EYA1: variants seen among roughly 807,000 people sequenced by gnomAD.
The protein encoded by EYA1 is EYA transcriptional coactivator and phosphatase 1.
In EYA1, 16 loss-of-function variants were observed where a neutral mutation model predicts 82.0. That is an observed-to-expected ratio of 0.20 (90% confidence interval 0.13 to 0.30). EYA1 has a LOEUF of 0.30. EYA1 is among the 10% of genes least tolerant of loss of function. The probability of loss-of-function intolerance (pLI) is 1.00; values close to 1 mark genes in which losing one functional copy is unlikely to be tolerated. For synonymous variants in EYA1, 261 were observed against 264.4 expected, an observed-to-expected ratio of 0.99 and a Z score of 0.12; for missense variants, 633 against 730.7, an observed-to-expected ratio of 0.87 and a Z score of 1.54.
intron 16 of EYA1, among the ~76,000 whole-genome samples, chr8:71,214,241 C>T (rs760072514): frequency 4.6e-5 from 7 of 152,248 alleles, no homozygotes; most frequent in Admixed American, 6.6e-5. Context: ...TGATATACAA[C>T]GCCATTCATG....
chr8:71,224,686 C>T (rs549124448), intron 12 of EYA1, among the ~76,000 whole-genome samples: 5 of 152,322 alleles, frequency 3.3e-5, no homozygotes, highest in Non-Finnish European at 7.3e-5. Context: ...ATTAGCAGCA[C>T]TTGAAAAAGA....
At chr8:71,385,071 G>A (rs556685419) in intron 2 of EYA1, among the ~76,000 whole-genome samples, 2 of 151,888 alleles carry the variant, frequency 1.3e-5, no homozygotes, top group African/African-American at 2.4e-5. Flanking sequence ...GTGCAGTGGC[G>A]TAATCTTGGC....
At chr8:71,316,017 A>T (rs1347918308) in intron 7 of EYA1, among the ~76,000 whole-genome samples, 1 of 152,128 alleles carries the variant, frequency 6.6e-6, no homozygotes, top group Non-Finnish European at 1.5e-5. Context: ...AAGGAAACAT[A>T]TTAATAAGAC....
rs1563486266 is a variant in EYA1, at chr8:71,334,158, C to T, written c.141G>A (p.Met47Ile). The part of the protein sequence containing the change: ...PNGTEVKTEP[M>I]SSSETASTTA... ...TCGTTGAAGCTGTTTCACTGCTGCT[C>T]ATTGGCTCTGTTTTAACTACAAAAA... Residue 47 changes from methionine to isoleucine, a missense_variant, in exon 4 of 18, where the codon ATG becomes ATA. Met to Ile is a conservative substitution (Grantham distance 10). Coordinates refer to ENST00000340726, the MANE Select transcript of EYA1 (RefSeq NM_000503.6). The T allele has an allele frequency of 1.9e-6, 3 of 1,613,168 alleles. No individual in the cohort carries two copies. In the East Asian group the frequency reaches 6.7e-5, roughly 36 times the overall value.
chr8:71,264,841 C>G (rs781673513), intron 11 of EYA1, among the ~76,000 whole-genome samples: 1 of 152,114 alleles, frequency 6.6e-6, no homozygotes, highest in Non-Finnish European at 1.5e-5. Flanking sequence ...CCTCAGCCTC[C>G]CAAAGTGCTG....
At chr8:71,226,754 CT>C (rs1159604106) in intron 12 of EYA1, among the ~76,000 whole-genome samples, 2 of 150,938 alleles carry the variant, frequency 1.3e-5, no homozygotes, top group Non-Finnish European at 3.0e-5. Context: ...TTGTAAATTT[CT>C]TTGCTTTTTT....
intron 9 of EYA1, among the ~76,000 whole-genome samples, chr8:71,276,717 G>A (rs907956959): frequency 6.6e-6 from 1 of 152,154 alleles, no homozygotes; most frequent in African/African-American, 2.4e-5. Context: ...ACAGAGAGTG[G>A]TAAGACCCTT....
At chr8:71,280,069 G>T (rs1222234193) in intron 9 of EYA1, among the ~76,000 whole-genome samples, 1 of 152,130 alleles carries the variant, frequency 6.6e-6, no homozygotes, top group Non-Finnish European at 1.5e-5. Flanking sequence ...GTGATTTTTT[G>T]ATTTCATCTC....
At chr8:71,388,213 C>A (rs1658129235) in intron 2 of EYA1, among the ~76,000 whole-genome samples, 1 of 152,122 alleles carries the variant, frequency 6.6e-6, no homozygotes. Flanking sequence ...CATCCAGACA[C>A]CAGTGATCCC....
At chr8:71,377,417 A>G (rs980173004) in intron 2 of EYA1, among the ~76,000 whole-genome samples, 45 of 152,192 alleles carry the variant, frequency 3.0e-4, no homozygotes, top group Non-Finnish European at 6.2e-4. Flanking sequence ...ATCATGAACA[A>G]ATAAAATGGT....
At chr8:71,269,663 C>A (rs1816276981) in intron 11 of EYA1, 77 bp downstream of exon 11, 1 of 1,015,712 alleles carries the variant, frequency 9.8e-7, no homozygotes, top group Non-Finnish European at 1.5e-6. Context: ...AGTTAAATTA[C>A]ATTCATTTGG....
chr8:71,371,363 C>T (rs1457393454), intron 2 of EYA1, among the ~76,000 whole-genome samples: 2 of 152,294 alleles, frequency 1.3e-5, no homozygotes, highest in East Asian at 3.9e-4. Context: ...GTTCCCAGAA[C>T]ACTGTTAGCC....
intron 2 of EYA1, among the ~76,000 whole-genome samples, chr8:71,516,304 A>G (rs1802504650): frequency 6.6e-6 from 1 of 152,206 alleles, no homozygotes; most frequent in Non-Finnish European, 1.5e-5. Flanking sequence ...TTCACAAGTC[A>G]TTGGATGAAA....
At chr8:71,468,647 T>C (rs1282089917) in intron 2 of EYA1, among the ~76,000 whole-genome samples, 2 of 152,174 alleles carry the variant, frequency 1.3e-5, no homozygotes, top group Non-Finnish European at 2.9e-5. Flanking sequence ...TAAACATTTC[T>C]TAATGATGTA....
intron 2 of EYA1, among the ~76,000 whole-genome samples, chr8:71,386,847 C>T (rs1468385318): frequency 6.6e-6 from 1 of 152,094 alleles, no homozygotes; most frequent in Non-Finnish European, 1.5e-5. Context: ...TCATGACAAC[C>T]TGATGTAAGG....
chr8:71,514,871 T>TTG (rs1159248920), intron 2 of EYA1, among the ~76,000 whole-genome samples: 1 of 152,158 alleles, frequency 6.6e-6, no homozygotes, highest in African/African-American at 2.4e-5. Flanking sequence ...TTTTAGTTTA[T>TTG]TGTATCATTT....
intron 3 of EYA1, among the ~76,000 whole-genome samples, chr8:71,349,276 C>T (rs766460549): frequency 3.0e-4 from 46 of 152,324 alleles, no homozygotes; most frequent in Middle Eastern, 3.4e-3. Flanking sequence ...AAGCCTCTGC[C>T]ACTGGTTCTT....
chr8:71,309,418 A>G (rs913628136), intron 7 of EYA1, among the ~76,000 whole-genome samples: 1 of 152,176 alleles, frequency 6.6e-6, no homozygotes, highest in African/African-American at 2.4e-5. Flanking sequence ...TAAATATGAG[A>G]AGAGTGGCAA....
At chr8:71,240,059 C>G (rs1812291704) in intron 12 of EYA1, among the ~76,000 whole-genome samples, 1 of 152,072 alleles carries the variant, frequency 6.6e-6, no homozygotes, top group Non-Finnish European at 1.5e-5. Context: ...TAGATGATAA[C>G]CTAAGTTTTA....
Sources: gnomAD v4.1 joint callset for allele counts (sites outside exome capture counted in the v4.1 genomes callset) on GRCh38, gnomAD v4.1.1 for gene constraint, MANE v1.5 for transcripts, NCBI Gene and HGNC (gene_info 2026-07-23, HGNC 2026-07-21) for gene names.